OSGIN2: variants seen among roughly 807,000 people sequenced by gnomAD.
OSGIN2 encodes the protein oxidative stress induced growth inhibitor family member 2.
A neutral mutation model predicts 53.8 loss-of-function variants in OSGIN2; 19 were observed. The observed-to-expected ratio is 0.35, with a 90% CI of 0.25 to 0.52. The LOEUF (loss-of-function observed/expected upper bound fraction) is 0.52, where lower values mean the gene tolerates loss of function less well. Ranked by LOEUF, OSGIN2 falls within the 20% of genes least tolerant of loss-of-function variation. The pLI, the probability that OSGIN2 is intolerant of heterozygous loss-of-function variation, is 0.95. For synonymous variants in OSGIN2, 236 were observed against 236.0 expected, an observed-to-expected ratio of 1.00 and a Z score of 0.00; for missense variants, 520 against 662.7, an observed-to-expected ratio of 0.78 and a Z score of 2.36.
chr8:89,902,561 A>G (rs138666179), upstream of OSGIN2: 4,919 of 153,222 alleles, frequency 0.032, 103 homozygotes, highest in Middle Eastern at 0.07. Context: ...GCGCCCCGAG[A>G]TCACCCGCCT....
At chr8:89,922,390 T>A (rs1393635978) in intron 5 of OSGIN2, among the ~76,000 whole-genome samples, 1 of 152,222 alleles carries the variant, frequency 6.6e-6, no homozygotes, top group Non-Finnish European at 1.5e-5. Flanking sequence ...TTAGGCAAGT[T>A]GTACAGTTCT....
intron 4 of OSGIN2, among the ~76,000 whole-genome samples, chr8:89,920,338 A>G (rs912298304): frequency 1.3e-5 from 2 of 152,226 alleles, no homozygotes; most frequent in African/African-American, 4.8e-5. Context: ...ACTGGGTGTT[A>G]TAGAAGCAGG....
At chr8:89,904,655 A>G (rs950965268) in intron 1 of OSGIN2, among the ~76,000 whole-genome samples, 10 of 152,170 alleles carry the variant, frequency 6.6e-5, no homozygotes, top group Non-Finnish European at 1.2e-4. Flanking sequence ...GTCTCTACTA[A>G]AAACTCAAAA....
At chr8:89,903,506 G>A (rs1563460249) in intron 1 of OSGIN2, among the ~76,000 whole-genome samples, 1 of 152,224 alleles carries the variant, frequency 6.6e-6, no homozygotes, top group South Asian at 2.1e-4. Context: ...GAATGGTTAA[G>A]CATAGGGAAT....
intron 1 of OSGIN2, among the ~76,000 whole-genome samples, chr8:89,905,803 C>CA (rs1808827664): frequency 6.6e-6 from 1 of 152,094 alleles, no homozygotes; most frequent in African/African-American, 2.4e-5. Context: ...GCTGCACATG[C>CA]AAAAAACTAC....
At chr8:89,911,498 C>T (rs796772882) in intron 2 of OSGIN2, among the ~76,000 whole-genome samples, 19 of 151,782 alleles carry the variant, frequency 1.3e-4, no homozygotes, top group African/African-American at 2.7e-4. Context: ...GGCATGGTGG[C>T]GGGCAACTGT....
At chr8:89,911,052 A>G (rs1318831629) in intron 2 of OSGIN2, among the ~76,000 whole-genome samples, 1 of 152,186 alleles carries the variant, frequency 6.6e-6, no homozygotes, top group Non-Finnish European at 1.5e-5. Flanking sequence ...GCCAAAATCA[A>G]GGTGTTGGCA....
chr8:89,902,851 C>G lies in OSGIN2; in HGVS notation c.44+14C>G. Reference sequence around the variant, plus strand: ...CGGTCATTTCAGGTGACTTCCTCGCCGGGGATGGGAGGGGAGCAGGCGGGG... The same window carrying G: ...CGGTCATTTCAGGTGACTTCCTCGCGGGGGATGGGAGGGGAGCAGGCGGGG... On this transcript the variant is annotated intron_variant, in intron 1 of 5. Coordinates refer to ENST00000451899, the MANE Select transcript of OSGIN2 (RefSeq NM_001126111.3). The G allele has an allele frequency of 7.3e-7, 1 of 1,377,376 alleles. No individual in the cohort carries two copies. The highest frequency in any genetic ancestry group is 9.6e-7 in the Non-Finnish European group (1 of 1,044,846). The allele number at this position is 1,377,376 out of a possible 1,614,324, so 85.3% of individuals were successfully genotyped here.
At chr8:89,924,040 C>A (rs1023080583) in intron 5 of OSGIN2, among the ~76,000 whole-genome samples, 1 of 152,094 alleles carries the variant, frequency 6.6e-6, no homozygotes, top group African/African-American at 2.4e-5. Flanking sequence ...TAGCAGTGTA[C>A]TAAAATTCAT....
rs1353422533 is a variant in OSGIN2 at position 89,924,505 on chromosome 8, G to A, written c.623G>A (p.Ser208Asn). Residue 208 changes from serine to asparagine, a missense_variant and splice_region_variant, in exon 6 of 6, where the codon AGC becomes AAC. Ser to Asn is a conservative substitution (Grantham distance 46). Coordinates refer to ENST00000451899, the MANE Select transcript of OSGIN2 (RefSeq NM_001126111.3). ...FKDWVSSKRR[S>N]LKGDRVMPEE... is the part of the protein sequence containing the mutation. ...TATTTTTCCTTTTCCTTTTTTAGGA[G>A]CCTAAAAGGGGATCGAGTTATGCCA... The A allele has an allele frequency of 5.0e-6, 8 of 1,589,086 alleles. No individual in the cohort carries two copies. Among genetic ancestry groups the A allele is most frequent in the Non-Finnish European group, 6.8e-6 (8 of 1,169,442 alleles).
intron 5 of OSGIN2, among the ~76,000 whole-genome samples, chr8:89,922,347 G>T (rs1809224059): frequency 6.6e-6 from 1 of 152,142 alleles, no homozygotes; most frequent in African/African-American, 2.4e-5. Flanking sequence ...TTTTTAAAAA[G>T]AATTATATAT....
At chr8:89,912,073 TTCTTA>T (rs1481158684) in intron 2 of OSGIN2, among the ~76,000 whole-genome samples, 2 of 152,284 alleles carry the variant, frequency 1.3e-5, no homozygotes, top group Non-Finnish European at 2.9e-5. Context: ...GGTTTTACTT[TTCTTA>T]TATCTTTGAG....
At chr8:89,918,056 T>C (rs947377299) in intron 4 of OSGIN2, among the ~76,000 whole-genome samples, 3 of 152,230 alleles carry the variant, frequency 2.0e-5, no homozygotes, top group African/African-American at 7.2e-5. Flanking sequence ...CTGCCTTTGC[T>C]TTCTGCTCCT....
chr8:89,924,981 A>G lies in OSGIN2; in HGVS notation c.1099A>G (p.Ser367Gly). The G allele has an allele frequency of 6.2e-7, 1 of 1,614,188 alleles. No individual in the cohort carries two copies. Among genetic ancestry groups the G allele is most frequent in the Non-Finnish European group, 8.5e-7 (1 of 1,180,000 alleles). The change falls in exon 6 of 6, where the codon AGT (serine) becomes GGT (glycine). Residue 367 changes from serine (S) to glycine (G), a missense_variant. Transcript: ENST00000451899. ...TGACGCAGTACTGTGTGCTTACAAC[A>G]GTAATATCCCTGTGATTCATGTGTT... is the stretch of plus-strand genomic sequence containing the variant. ...AADAVLCAYN[S>G]NIPVIHVFRR...
rs1172132574 is a variant in OSGIN2 at position 89,926,150 on chromosome 8, TA to T, written c.*619del. 1 of 152,236 alleles carries T rather than the reference TA, an allele frequency of 6.6e-6. No individual in the cohort carries two copies. The highest frequency in any genetic ancestry group is 2.4e-5 in the African/African-American group (1 of 41,444). 9.4% of individuals were successfully genotyped at this position (152,236 alleles called of 1,614,324 possible). ...AGGCATTTACAACTCAGATTTTATT[TA>T]TTTTGAAATTATCAATTGTATAAAT... On this transcript the variant is annotated 3_prime_UTR_variant, in exon 6 of 6. Coordinates refer to ENST00000451899, the MANE Select transcript of OSGIN2 (RefSeq NM_001126111.3).
intron 1 of OSGIN2, among the ~76,000 whole-genome samples, chr8:89,904,237 T>G (rs1388684433): frequency 6.6e-6 from 1 of 152,232 alleles, no homozygotes; most frequent in Non-Finnish European, 1.5e-5. Flanking sequence ...CTTGTTAAAC[T>G]AAATAAAGCC....
At position 89,925,587 on chromosome 8, in the gene OSGIN2, T is replaced by C. The variant is rs759154509; in HGVS notation, c.*55T>C. On this transcript the variant is annotated 3_prime_UTR_variant, in exon 6 of 6. Coordinates refer to ENST00000451899, the MANE Select transcript of OSGIN2 (RefSeq NM_001126111.3). Reference sequence around the variant, plus strand: ...GTTTGCCATTAAAGATTTTTAATAGTGGTTTTGCAGTGTACTGGCTTGAAT... The same window carrying C: ...GTTTGCCATTAAAGATTTTTAATAGCGGTTTTGCAGTGTACTGGCTTGAAT... 3.1e-5 allele frequency: 44 copies of C among 1,427,676 alleles called. No homozygotes were observed. Among genetic ancestry groups the C allele is most frequent in the Admixed American group, 5.9e-5 (3 of 50,890 alleles). The allele number at this position is 1,427,676 out of a possible 1,614,324, so 88.4% of individuals were successfully genotyped here.
chr8:89,905,618 C>T (rs1232251838), intron 1 of OSGIN2, among the ~76,000 whole-genome samples: 1 of 152,124 alleles, frequency 6.6e-6, no homozygotes, highest in Non-Finnish European at 1.5e-5. Context: ...CCTTGTTTTT[C>T]TTTGTGTTAA....
Position 89,909,550 on chromosome 8 carries a change from C to CCTT in OSGIN2, c.45-17_45-16insCTT. 9.3e-7 allele frequency: 1 copy of CCTT among 1,072,488 alleles called. No homozygotes were observed. Among genetic ancestry groups the CCTT allele is most frequent in the South Asian group, 1.9e-5 (1 of 52,350 alleles). 66.4% of individuals were successfully genotyped at this position (1,072,488 alleles called of 1,614,324 possible). The stretch of plus-strand genomic sequence containing the variant: ...TTGACTATATCTCTTTTTATTCCCC[C>CCTT]TTTTTTTTTTTTAAAGAAACTATAG... On this transcript the variant is annotated splice_polypyrimidine_tract_variant and intron_variant, in intron 1 of 5. Transcript: ENST00000451899.
Sources: allele counts gnomAD v4.1 joint callset (sites outside exome capture counted in the v4.1 genomes callset), GRCh38; gene constraint gnomAD v4.1.1; transcripts MANE v1.5; gene names NCBI Gene and HGNC (gene_info 2026-07-23, HGNC 2026-07-21).